The following NFATC2 variants were observed in gnomAD, a reference collection of about 807,000 sequenced individuals.
NFATC2 encodes the protein nuclear factor of activated T cells 2.
In NFATC2, 22 loss-of-function variants were observed where a neutral mutation model predicts 87.3. That is an observed-to-expected ratio of 0.25 (90% CI 0.18 to 0.36). The LOEUF (loss-of-function observed/expected upper bound fraction) is 0.36, where lower values mean the gene tolerates loss of function less well. Among genes scored for constraint, NFATC2 ranks in the 10% least tolerant of loss-of-function variants. The probability of loss-of-function intolerance (pLI) is 1.00; values close to 1 mark genes in which losing one functional copy is unlikely to be tolerated. For synonymous variants in NFATC2, 565 were observed against 542.2 expected (o/e 1.04, Z -0.58); for missense variants, 1,149 against 1,259.1 (o/e 0.91, Z 1.32).
chr20:51,395,122 C>T (rs569884305), intron 10 of NFATC2, among the ~76,000 whole-genome samples: 39 of 152,174 alleles, frequency 2.6e-4, no homozygotes, highest in Non-Finnish European at 4.7e-4. Flanking sequence ...TGAAAGAATA[C>T]GAGCCATTCA....
rs144495933 is a variant in NFATC2 at position 51,498,536 on chromosome 20, G to A, written c.1332+18248C>T. ...ACAGAGGCCAGGCATGGTGGCTCAC[G>A]CCTGTAATCCCAGCACTTTGGGAGG... On this transcript the variant is annotated intron_variant, in intron 3 of 10. Coordinates refer to ENST00000371564, the MANE Select transcript of NFATC2 (RefSeq NM_012340.5). 6.4e-3 allele frequency among the ~76,000 whole-genome samples: 979 copies of A among 152,062 alleles called. 9 individuals carry two copies. The highest frequency in any genetic ancestry group is 0.023 in the African/African-American group (934 of 41,480).
rs1393634458 is a variant in NFATC2, at chr20:51,388,407, G to A, written c.*3089C>T. The A allele has an allele frequency of 6.6e-6, 1 of 152,042 alleles. No homozygotes were observed. The highest frequency in any genetic ancestry group is 1.5e-5 in the Non-Finnish European group (1 of 68,022). The allele number at this position is 152,042 out of a possible 1,614,324, so 9.4% of individuals were successfully genotyped here. A position where few individuals can be genotyped will look rare whatever the true frequency, so the allele number is the denominator to read the frequency against. Reference sequence around the variant, plus strand: ...CCTTCTCCTGAGATGCCATCTTCTAGAGAGGTGACTAACAGGCTCTGAGTG... The same window carrying A: ...CCTTCTCCTGAGATGCCATCTTCTAAAGAGGTGACTAACAGGCTCTGAGTG... On this transcript the variant is annotated 3_prime_UTR_variant, in exon 11 of 11. Transcript: ENST00000371564.
At chr20:51,421,619 C>A (rs1980936903) in intron 9 of NFATC2, among the ~76,000 whole-genome samples, 1 of 152,210 alleles carries the variant, frequency 6.6e-6, no homozygotes, top group Non-Finnish European at 1.5e-5. Flanking sequence ...CTGCTCAGGG[C>A]CAGCCTTGGT....
chr20:51,452,626 C>T (rs1290418579), intron 6 of NFATC2, among the ~76,000 whole-genome samples: 2 of 152,170 alleles, frequency 1.3e-5, no homozygotes, highest in Non-Finnish European at 2.9e-5. Context: ...CAAAATGAAA[C>T]CCGTCCTCCC....
At chr20:51,481,964 T>A (rs1989296088) in intron 3 of NFATC2, among the ~76,000 whole-genome samples, 1 of 152,194 alleles carries the variant, frequency 6.6e-6, no homozygotes, top group Non-Finnish European at 1.5e-5. Context: ...GTTATCCCAT[T>A]TTTAGATGAG....
At chr20:51,416,082 C>A (rs907439631) in intron 9 of NFATC2, among the ~76,000 whole-genome samples, 1 of 152,068 alleles carries the variant, frequency 6.6e-6, no homozygotes, top group East Asian at 1.9e-4. Context: ...GCCAACAAAG[C>A]GAGACCCCGT....
At chr20:51,552,301 T>TATG (rs2076941037) in intron 1 of NFATC2, among the ~76,000 whole-genome samples, 1 of 151,588 alleles carries the variant, frequency 6.6e-6, no homozygotes, top group Non-Finnish European at 1.5e-5. Context: ...TTCATATATG[T>TATG]ATGTGTGTCT....
intron 3 of NFATC2, among the ~76,000 whole-genome samples, chr20:51,512,556 C>G (rs1389564641): frequency 3.3e-5 from 5 of 152,192 alleles, no homozygotes; most frequent in African/African-American, 1.2e-4. Context: ...GGTTTGGGAA[C>G]AAACTTTCTC....
rs759029933 is a variant in NFATC2 at position 51,523,042 on chromosome 20, C to G, written c.1160+39G>C. ...ATAACCAGAAAACCATCTCTTAAAA[C>G]TAAACCACAGAATCAATCATTTTCA... is the stretch of plus-strand genomic sequence containing the variant. On this transcript the variant is annotated intron_variant, in intron 2 of 10. Coordinates refer to ENST00000371564, the MANE Select transcript of NFATC2 (RefSeq NM_012340.5). This position sits in a 1 kb window ranked among gnomAD's most constrained non-coding sequence, Gnocchi z 6.9. 1 of 1,611,926 alleles carries G rather than the reference C, an allele frequency of 6.2e-7. No homozygotes were observed. The highest frequency in any genetic ancestry group is 8.5e-7 in the Non-Finnish European group (1 of 1,179,706).
intron 9 of NFATC2, among the ~76,000 whole-genome samples, chr20:51,427,558 A>C (rs144032686): frequency 0.011 from 1,614 of 151,696 alleles, 27 homozygotes; most frequent in African/African-American, 0.036. Flanking sequence ...TCAACCCTTG[A>C]CTCCCTATAG....
At chr20:51,558,518 T>C (rs2076997041) in intron 1 of NFATC2, among the ~76,000 whole-genome samples, 1 of 152,018 alleles carries the variant, frequency 6.6e-6, no homozygotes, top group Admixed American at 6.6e-5. Flanking sequence ...AAATAATAAA[T>C]TATACAATAG....
At chr20:51,464,699 C>A (rs535911596) in intron 5 of NFATC2, among the ~76,000 whole-genome samples, 83 of 152,290 alleles carry the variant, frequency 5.5e-4, no homozygotes, top group Admixed American at 3.9e-3. Context: ...GGCAGGTGCC[C>A]ACAGCCCCCT....
At chr20:51,391,970 C>T (rs1986407546) in intron 10 of NFATC2, among the ~76,000 whole-genome samples, 1 of 152,126 alleles carries the variant, frequency 6.6e-6, no homozygotes, top group Admixed American at 6.5e-5. Flanking sequence ...GTAACTTTTT[C>T]AAATCTTTGT....
Position 51,542,717 on chromosome 20 carries a change from G to A in NFATC2, c.-218C>T. 2 of 1,014,052 alleles carry A rather than the reference G, an allele frequency of 2.0e-6. No individual in the cohort carries two copies. The highest frequency in any genetic ancestry group is 2.4e-6 in the Non-Finnish European group (2 of 850,578). The allele number at this position is 1,014,052 out of a possible 1,614,324, so 62.8% of individuals were successfully genotyped here. A position where few individuals can be genotyped will look rare whatever the true frequency, so the allele number is the denominator to read the frequency against. On this transcript the variant is annotated 5_prime_UTR_variant, in exon 1 of 11. Coordinates refer to ENST00000371564, the MANE Select transcript of NFATC2 (RefSeq NM_012340.5). ...GCGGCGACGGCGGCGCGAGCTTCCT[G>A]CTCCGGAGGCACCTGTTGCAGCCCG...
At position 51,475,621 on chromosome 20, in the gene NFATC2, T is replaced by G. The variant is rs371825481; in HGVS notation, c.1372A>C (p.Ile458Leu). Residue 458 changes from isoleucine to leucine, a missense_variant, in exon 4 of 11, where the codon ATC becomes CTC. Physicochemically the swap from Ile to Leu is conservative, Grantham distance 5 (BLOSUM62 2). Coordinates refer to ENST00000371564, the MANE Select transcript of NFATC2 (RefSeq NM_012340.5). ...YMENKPLGLQ[I>L]FIGTADERIL... is the part of the protein sequence containing the mutation. ...CGCTCATCAGCTGTCCCAATGAAGA[T>G]CTGAAGTCCCAGAGGCTTGTTTTCC... 4.3e-6 allele frequency: 7 copies of G among 1,613,908 alleles called. No homozygotes were observed. Among genetic ancestry groups the G allele is most frequent in the African/African-American group, 1.3e-5 (1 of 74,874 alleles).
At chr20:51,420,235 G>T (rs1351578037) in intron 9 of NFATC2, among the ~76,000 whole-genome samples, 3 of 152,198 alleles carry the variant, frequency 2.0e-5, no homozygotes, top group Non-Finnish European at 2.9e-5. Context: ...AATTAGAATA[G>T]AATATCACCA....
intron 3 of NFATC2, among the ~76,000 whole-genome samples, chr20:51,509,886 T>C (rs1189399092): frequency 2.0e-5 from 3 of 152,240 alleles, no homozygotes; most frequent in Non-Finnish European, 4.4e-5. Context: ...CAGGAGGCAG[T>C]AGCCTGGACA....
intron 9 of NFATC2, among the ~76,000 whole-genome samples, chr20:51,401,536 T>C (rs1988045512): frequency 1.3e-5 from 2 of 152,172 alleles, no homozygotes; most frequent in Admixed American, 1.3e-4. Flanking sequence ...GTGAATGTGC[T>C]GGTCAGTTGT....
At chr20:51,554,330 T>C (rs2076959815) in intron 1 of NFATC2, among the ~76,000 whole-genome samples, 1 of 152,098 alleles carries the variant, frequency 6.6e-6, no homozygotes, top group African/African-American at 2.4e-5. Context: ...GACGTTGGGT[T>C]TTTCTCCCCA....
Sources: allele counts gnomAD v4.1 joint callset (sites outside exome capture counted in the v4.1 genomes callset), GRCh38; gene constraint gnomAD v4.1.1; non-coding constraint Gnocchi (gnomAD v3.1); transcripts MANE v1.5; gene names NCBI Gene and HGNC (gene_info 2026-07-23, HGNC 2026-07-21).